The following TSHZ2 variants were observed in gnomAD, a reference collection of about 807,000 sequenced individuals.
TSHZ2 encodes the protein teashirt homolog 2.
In TSHZ2, 21 loss-of-function variants were observed where a neutral mutation model predicts 74.4. The ratio of observed to expected loss-of-function variants is 0.28; its 90% CI spans 0.20 to 0.41. The LOEUF (loss-of-function observed/expected upper bound fraction) is 0.41. Ranked by LOEUF, TSHZ2 falls within the 10% of genes least tolerant of loss-of-function variation. The pLI, the probability that TSHZ2 is intolerant of heterozygous loss-of-function variation, is 1.00. For synonymous variants in TSHZ2, 540 were observed against 515.3 expected, an observed-to-expected ratio of 1.05 and a Z score of -0.65; for missense variants, 1,244 against 1,293.5, an observed-to-expected ratio of 0.96 and a Z score of 0.59.
chr20:53,406,787 T>TG (rs758053338), intron 2 of TSHZ2, among the ~76,000 whole-genome samples: 4 of 152,102 alleles, frequency 2.6e-5, no homozygotes, highest in Non-Finnish European at 5.9e-5. Context: ...GCGTGGGGAT[T>TG]GGGAAGAACA....
intron 1 of TSHZ2, among the ~76,000 whole-genome samples, chr20:53,082,485 C>T (rs1039054142): frequency 4.6e-5 from 7 of 152,216 alleles, no homozygotes; most frequent in Admixed American, 6.5e-5. Flanking sequence ...CTACACGCTA[C>T]TAAGATAGTC....
chr20:53,218,634 C>G (rs567921408), intron 1 of TSHZ2, among the ~76,000 whole-genome samples: 2 of 152,274 alleles, frequency 1.3e-5, no homozygotes, highest in South Asian at 4.1e-4. Flanking sequence ...CAATACCTAC[C>G]TCTTTCTATT....
intron 2 of TSHZ2, among the ~76,000 whole-genome samples, chr20:53,361,660 G>A (rs991548419): frequency 2.0e-5 from 3 of 152,062 alleles, no homozygotes; most frequent in South Asian, 4.1e-4. Context: ...TTATTTTGGG[G>A]GATCGGTTGT....
intron 1 of TSHZ2, among the ~76,000 whole-genome samples, chr20:53,193,760 C>T (rs902915638): frequency 7.9e-5 from 12 of 152,164 alleles, no homozygotes; most frequent in Admixed American, 2.0e-4. Context: ...CACTGCCATC[C>T]GCTGTAGGAA....
Position 53,050,116 on chromosome 20 carries a change from T to C in TSHZ2, c.40+76783T>C, listed in dbSNP as rs6123246. Among the ~76,000 whole-genome samples the C allele has an allele frequency of 3.8e-4, 37 of 96,410 alleles. No individual in the cohort carries two copies. The South Asian group carries it at 7.1e-3, about 19-fold the overall frequency. The allele number at this position is 96,410 out of a possible 152,430, so 63.2% of individuals were successfully genotyped here. ...ATGTATATGTGTGTATATATATATA[T>C]ATATATATACACATATATATATGTG... On this transcript the variant is annotated intron_variant, in intron 1 of 2. Coordinates refer to ENST00000371497, the MANE Select transcript of TSHZ2 (RefSeq NM_173485.6).
In TSHZ2 at chr20:53,106,391, C is replaced by CTTTTTTTT. The variant is rs71194458; in HGVS notation, c.40+133082_40+133089dup. 9.0e-3 allele frequency among the ~76,000 whole-genome samples: 530 copies of CTTTTTTTT among 58,986 alleles called. 107 individuals carry two copies. The highest frequency in any genetic ancestry group is 0.039 in the East Asian group (61 of 1,566). The allele number at this position is 58,986 out of a possible 152,430, so 38.7% of individuals were successfully genotyped here. A position where few individuals can be genotyped will look rare whatever the true frequency, so the allele number is the denominator to read the frequency against. On this transcript the variant is annotated intron_variant, in intron 1 of 2. Transcript: ENST00000371497. ...TTCCTCTAGGGCCTTCTCACACTTT[C>CTTTTTTTT]TTTTTTTTTTTTTTTTTTTTTTTTT...
rs190731651 is a variant in TSHZ2 at position 53,364,740 on chromosome 20, G to A, written c.*8+108169G>A. On this transcript the variant is annotated intron_variant, in intron 2 of 2. Coordinates refer to ENST00000371497, the MANE Select transcript of TSHZ2 (RefSeq NM_173485.6). ...TGGAGTGCCGGGGCTTGGCATGGGG[G>A]CACTGCCTTGGCAGAGCTGTCTTGA... Among the ~76,000 whole-genome samples, 349 of 152,352 alleles carry A rather than the reference G, an allele frequency of 2.3e-3. 7 individuals are homozygous for A. The highest frequency in any genetic ancestry group is 7.8e-4 in the Non-Finnish European group (53 of 68,032).
intron 1 of TSHZ2, among the ~76,000 whole-genome samples, chr20:53,099,147 G>A (rs1356048316): frequency 6.6e-6 from 1 of 152,124 alleles, no homozygotes; most frequent in African/African-American, 2.4e-5. Context: ...TATTGACTAG[G>A]CACCAGCAAG....
rs542781665 is a variant in TSHZ2 at position 53,227,937 on chromosome 20, C to T, written c.41-25562C>T. Reference sequence around the variant, plus strand: ...GAACTGAAGTTTCAAAGTTTTACCACGGTATACTTTATAAAAACAAAGTTT... The same window carrying T: ...GAACTGAAGTTTCAAAGTTTTACCATGGTATACTTTATAAAAACAAAGTTT... On this transcript the variant is annotated intron_variant, in intron 1 of 2. Coordinates refer to ENST00000371497, the MANE Select transcript of TSHZ2 (RefSeq NM_173485.6). Among the ~76,000 whole-genome samples, 11 of 150,650 alleles carry T rather than the reference C, an allele frequency of 7.3e-5. No homozygotes were observed. The South Asian group carries it at 1.5e-3, about 20-fold the overall frequency.
chr20:53,233,218 A>G (rs151215434), intron 1 of TSHZ2, among the ~76,000 whole-genome samples: 209 of 152,358 alleles, frequency 1.4e-3, no homozygotes, highest in African/African-American at 4.0e-3. Context: ...TGAAAAGTGA[A>G]TGCTATGCTG....
At chr20:53,394,581 G>A (rs1189484247) in intron 2 of TSHZ2, among the ~76,000 whole-genome samples, 1 of 151,884 alleles carries the variant, frequency 6.6e-6, no homozygotes, top group Non-Finnish European at 1.5e-5. Context: ...ATGTGGTTTA[G>A]GTCAAAAGGC....
chr20:53,334,631 TCTA>T (rs772226232), intron 2 of TSHZ2, among the ~76,000 whole-genome samples: 10 of 152,084 alleles, frequency 6.6e-5, no homozygotes, highest in Non-Finnish European at 1.3e-4. Context: ...GAACTTGCCT[TCTA>T]CTAAGTGAAA....
At chr20:53,096,601 G>A (rs898263050) in intron 1 of TSHZ2, among the ~76,000 whole-genome samples, 7 of 151,854 alleles carry the variant, frequency 4.6e-5, no homozygotes, top group African/African-American at 1.5e-4. Context: ...AGGTTTTCTC[G>A]GCCAGGCGCG....
At chr20:53,240,421 A>G (rs1393602463) in intron 1 of TSHZ2, among the ~76,000 whole-genome samples, 4 of 152,152 alleles carry the variant, frequency 2.6e-5, no homozygotes, top group African/African-American at 9.7e-5. Context: ...CTCAAGAATT[A>G]GCACATTTCA....
intron 1 of TSHZ2, among the ~76,000 whole-genome samples, chr20:53,015,399 A>C (rs902247620): frequency 6.6e-6 from 1 of 152,178 alleles, no homozygotes; most frequent in Non-Finnish European, 1.5e-5. Context: ...ACTGGCTTCC[A>C]GTGTGTAGAA....
At chr20:52,977,283 A>G (rs1981377724) in intron 1 of TSHZ2, among the ~76,000 whole-genome samples, 1 of 152,190 alleles carries the variant, frequency 6.6e-6, no homozygotes, top group Non-Finnish European at 1.5e-5. Context: ...GGAATCGGGT[A>G]GATTTGGGAC....
At chr20:53,458,685 C>A (rs1238997657) in intron 2 of TSHZ2, among the ~76,000 whole-genome samples, 3 of 151,824 alleles carry the variant, frequency 2.0e-5, no homozygotes, top group Admixed American at 6.6e-5. Context: ...TTCCTGCTTT[C>A]TCTTGTGAGC....
intron 2 of TSHZ2, among the ~76,000 whole-genome samples, chr20:53,482,129 A>AAAAAAAAAAAAAAT (rs1986169034): frequency 7.0e-6 from 1 of 141,896 alleles, no homozygotes; most frequent in Non-Finnish European, 1.5e-5. Flanking sequence ...AAAAAAAAAA[A>AAAAAAAAAAAAAAT]AAAAAGTAAC....
At chr20:52,974,487 G>A (rs1363518186) in intron 1 of TSHZ2, among the ~76,000 whole-genome samples, 1 of 151,810 alleles carries the variant, frequency 6.6e-6, no homozygotes, top group East Asian at 1.9e-4. Flanking sequence ...CAGGGCTTTC[G>A]CAAAAAGCTT....
Sources: gnomAD v4.1 joint callset for allele counts (sites outside exome capture counted in the v4.1 genomes callset) on GRCh38, gnomAD v4.1.1 for gene constraint, MANE v1.5 for transcripts, NCBI Gene and HGNC (gene_info 2026-07-23, HGNC 2026-07-21) for gene names.